The following ITSN2 variants were observed in gnomAD, a reference collection of about 807,000 sequenced individuals.
ITSN2 encodes the protein intersectin-2.
In ITSN2, 156 loss-of-function variants were observed where a neutral mutation model predicts 243.7. That is an observed-to-expected ratio of 0.64 (90% CI 0.56 to 0.73). ITSN2 has a LOEUF of 0.73. ITSN2 is among the 30% of genes least tolerant of loss of function. ITSN2 has a pLI of 0.00. For synonymous variants in ITSN2, 703 were observed against 699.9 expected (o/e 1.00, Z -0.07); for missense variants, 1,801 against 1,996.1 (o/e 0.90, Z 1.86).
intron 2 of ITSN2, among the ~76,000 whole-genome samples, chr2:24,319,713 T>G (rs1350147434): frequency 1.3e-5 from 2 of 152,254 alleles, no homozygotes; most frequent in Non-Finnish European, 2.9e-5. Context: ...TTAGAGGCAC[T>G]ATCAACCTGT....
intron 1 of ITSN2, among the ~76,000 whole-genome samples, chr2:24,340,677 T>A (rs374784116): frequency 6.6e-6 from 1 of 152,040 alleles, no homozygotes; most frequent in African/African-American, 2.4e-5. Flanking sequence ...TGTAGCCCGT[T>A]GTGTCTCTTT....
intron 4 of ITSN2, among the ~76,000 whole-genome samples, chr2:24,313,211 A>T (rs1683475997): frequency 6.6e-6 from 1 of 151,062 alleles, no homozygotes; most frequent in Admixed American, 6.6e-5. Context: ...GGCCTCCCTG[A>T]GTAGCTGGGA....
chr2:24,354,843 A>G (rs1688308487), intron 1 of ITSN2, among the ~76,000 whole-genome samples: 1 of 152,238 alleles, frequency 6.6e-6, no homozygotes, highest in African/African-American at 2.4e-5. Context: ...ACCGTCTGGT[A>G]ATAGTCCCCT....
At position 24,317,147 on chromosome 2, in the gene ITSN2, G is replaced by A. The variant is rs372615923; in HGVS notation, c.32-1923C>T. Reference sequence around the variant, plus strand: ...TGTAATCCCAGCACTTTGGGAGGCCGAGGCGGGCGGATCACCTGAGGTCAG... The same window carrying A: ...TGTAATCCCAGCACTTTGGGAGGCCAAGGCGGGCGGATCACCTGAGGTCAG... On this transcript the variant is annotated intron_variant, in intron 2 of 39. Transcript: ENST00000355123. Among the ~76,000 whole-genome samples the A allele has an allele frequency of 2.1e-3, 316 of 152,326 alleles. 1 individual carries two copies. Among genetic ancestry groups the A allele is most frequent in the East Asian group, 8.9e-3 (46 of 5,184 alleles).
At position 24,225,688 on chromosome 2, in the gene ITSN2, CCAGA is replaced by C; in HGVS notation, c.3578-4626_3578-4623del. The stretch of plus-strand genomic sequence containing the variant: ...TCCTGTCCTGTGCGGTCAGATGAAT[CCAGA>C]CAATGCTGCAGGCTGTATATCTCAC... On this transcript the variant is annotated intron_variant, in intron 29 of 39. Coordinates refer to ENST00000355123, the MANE Select transcript of ITSN2 (RefSeq NM_006277.3). This position sits in a 1 kb window ranked among gnomAD's most constrained non-coding sequence, Gnocchi z 4.2. Among the ~76,000 whole-genome samples, 6 of 152,258 alleles carry C rather than the reference CCAGA, an allele frequency of 3.9e-5. 1 individual carries two copies. The highest frequency in any genetic ancestry group is 3.9e-4 in the Admixed American group (6 of 15,290).
At chr2:24,270,650 A>C in intron 20 of ITSN2, 21 bp downstream of exon 20, 1 of 1,262,004 alleles carries the variant, frequency 7.9e-7, no homozygotes, top group Non-Finnish European at 1.1e-6. Flanking sequence ...TTCATGATTA[A>C]AAAAAAAATT....
intron 22 of ITSN2, among the ~76,000 whole-genome samples, chr2:24,260,012 C>T (rs1341174454): frequency 6.6e-6 from 1 of 152,086 alleles, no homozygotes; most frequent in East Asian, 1.9e-4. Context: ...CCTCAAACTC[C>T]TGGTCTAAAG....
chr2:24,207,028 G>T (rs574273097), intron 37 of ITSN2, among the ~76,000 whole-genome samples: 1 of 152,272 alleles, frequency 6.6e-6, no homozygotes, highest in Non-Finnish European at 1.5e-5. Flanking sequence ...CCGGGCACAG[G>T]AAAGAGCTAG....
intron 29 of ITSN2, among the ~76,000 whole-genome samples, chr2:24,224,630 C>T (rs1039265824): frequency 1.3e-4 from 18 of 134,030 alleles, no homozygotes; most frequent in Non-Finnish European, 2.6e-4. Context: ...CATGACGGCT[C>T]TTCAACTTTT....
intron 8 of ITSN2, among the ~76,000 whole-genome samples, chr2:24,305,377 G>A (rs748743849): frequency 3.9e-5 from 6 of 151,996 alleles, no homozygotes; most frequent in Admixed American, 2.0e-4. Flanking sequence ...CAAGGCGGGC[G>A]GATCACCTGA....
chr2:24,263,131 CACTT>C (rs1394589421), intron 20 of ITSN2, among the ~76,000 whole-genome samples: 14 of 152,094 alleles, frequency 9.2e-5, no homozygotes, highest in South Asian at 2.1e-4. Flanking sequence ...TGCATAATGA[CACTT>C]AATTATGTAG....
rs1405597614 is a variant in ITSN2 at position 24,210,778 on chromosome 2, A to G, written c.4257+2T>C. The G allele has an allele frequency of 6.2e-7, 1 of 1,613,190 alleles. No homozygotes were observed. The highest frequency in any genetic ancestry group is 1.1e-5 in the South Asian group (1 of 91,014). The stretch of plus-strand genomic sequence containing the variant: ...CGCACGGCTTAACCACACAGGCCTG[A>G]CCTCCGCGAGGCCTTCACACTGCAC... On this transcript the variant is annotated splice_donor_variant, in intron 34 of 39. Transcript: ENST00000355123. LOFTEE classifies it high-confidence loss of function.
chr2:24,282,315 T>C (rs1177647851), intron 17 of ITSN2, among the ~76,000 whole-genome samples: 1 of 152,174 alleles, frequency 6.6e-6, no homozygotes, highest in African/African-American at 2.4e-5. Context: ...AGAGGAACAA[T>C]GCGGAGTTTG....
chr2:24,240,740 T>TATACACTTTTCC, intron 29 of ITSN2: 1 of 152,390 alleles, frequency 6.6e-6, no homozygotes, highest in East Asian at 1.9e-4. Flanking sequence ...TGTGATTGTA[T>TATACACTTTTCC]ATACACTTTT....
chr2:24,208,152 A>T, intron 37 of ITSN2, 85 bp downstream of exon 37: 1 of 1,162,128 alleles, frequency 8.6e-7, no homozygotes, highest in Non-Finnish European at 1.3e-6. Context: ...ACCCGTCCCT[A>T]TATCATCAGC....
intron 2 of ITSN2, among the ~76,000 whole-genome samples, chr2:24,325,483 C>T (rs542451926): frequency 6.6e-5 from 10 of 151,944 alleles, no homozygotes; most frequent in African/African-American, 2.4e-4. Context: ...ATAGTTAATT[C>T]AGTCCTGGCT....
At chr2:24,257,022 G>A (rs1675133434) in intron 23 of ITSN2, among the ~76,000 whole-genome samples, 1 of 152,118 alleles carries the variant, frequency 6.6e-6, no homozygotes, top group East Asian at 1.9e-4. Flanking sequence ...ACTGATTTAT[G>A]GTACAAAGAA....
chr2:24,327,348 T>A (rs1044775363), intron 2 of ITSN2, among the ~76,000 whole-genome samples: 1 of 151,916 alleles, frequency 6.6e-6, no homozygotes, highest in Non-Finnish European at 1.5e-5. Flanking sequence ...CAGGCTGGAG[T>A]GTAGTGGCCC....
rs1669113744 is a variant in ITSN2 at position 24,208,257 on chromosome 2, TTCTTCTTC to T, written c.4650_4657del (p.Lys1551AlafsTer2). 1 of 1,611,484 alleles carries T rather than the reference TTCTTCTTC, an allele frequency of 6.2e-7. No homozygotes were observed. Among genetic ancestry groups the T allele is most frequent in the Non-Finnish European group, 8.5e-7 (1 of 1,179,274 alleles). On this transcript the variant is annotated frameshift_variant, in exon 37 of 40. Transcript: ENST00000355123. LOFTEE classifies it high-confidence loss of function. Reference sequence around the variant, plus strand: ...GATACCTTGGTAAGCTTTCTCACGCTTCTTCTTCTCGGTGTCGATGTACTGCTCAGACG... The same window carrying T: ...GATACCTTGGTAAGCTTTCTCACGCTTCGGTGTCGATGTACTGCTCAGACG...
Sources: allele counts gnomAD v4.1 joint callset (sites outside exome capture counted in the v4.1 genomes callset), GRCh38; gene constraint gnomAD v4.1.1; non-coding constraint Gnocchi (gnomAD v3.1); transcripts MANE v1.5; gene names NCBI Gene and HGNC (gene_info 2026-07-23, HGNC 2026-07-21).